The following GPRC6A variants were observed in gnomAD, a reference collection of about 807,000 sequenced individuals.
The protein encoded by GPRC6A is G protein-coupled receptor family C group 6 member A.
GPRC6A carries 54 observed loss-of-function variants against 47.0 expected under a neutral mutation model. The ratio of observed to expected loss-of-function variants is 1.15; its 90% confidence interval spans 0.92 to 1.44. The LOEUF (loss-of-function observed/expected upper bound fraction) is 1.44, where lower values mean the gene tolerates loss of function less well. Among genes scored for constraint, GPRC6A ranks in the 40% most tolerant of loss-of-function variants. The pLI is 0.00. For missense variants in GPRC6A, 1,112 were observed against 1,105.5 expected (o/e 1.01, Z -0.08); for synonymous variants, 347 against 377.1 (o/e 0.92, Z 0.93).
chr6:116,820,399 C>G lies in GPRC6A; in HGVS notation c.194+8421G>C, dbSNP rs1336682855. Among the ~76,000 whole-genome samples the G allele has an allele frequency of 2.6e-5, 4 of 152,088 alleles. 1 individual carries two copies. The highest frequency in any genetic ancestry group is 6.5e-5 in the Admixed American group (1 of 15,278). Reference sequence around the variant, plus strand: ...CTGATACCAAAGCTGGGCAGAGACACAACCAAAAAAGAGAATTTTAGACCA... The same window carrying G: ...CTGATACCAAAGCTGGGCAGAGACAGAACCAAAAAAGAGAATTTTAGACCA... On this transcript the variant is annotated intron_variant, in intron 1 of 5. Transcript: ENST00000310357.
In GPRC6A at chr6:116,792,813, G is replaced by A. The variant is rs139828071; in HGVS notation, c.2110C>T (p.Pro704Ser). Residue 704 changes from proline (P) to serine (S), a missense_variant, in exon 6 of 6, where the codon CCG (proline) becomes TCG (serine). By Grantham distance (74) the Pro-to-Ser change is moderately conservative. Transcript: ENST00000310357. Reference protein sequence around the residue: ...LQKFLKCLYRPILIIFTCTGI... With the variant: ...LQKFLKCLYRSILIIFTCTGI... Reference sequence around the variant, plus strand: ...GTGCAAGTGAAGATAATAAGGATCGGTCTATAGAGGCACTTCAGAAATTTC... The same window carrying A: ...GTGCAAGTGAAGATAATAAGGATCGATCTATAGAGGCACTTCAGAAATTTC... 2.3e-4 allele frequency: 369 copies of A among 1,614,048 alleles called. 2 individuals are homozygous for A. In the African/African-American group the frequency reaches 4.6e-3, roughly 20 times the overall value.
chr6:116,813,489 T>C (rs1189608045), intron 1 of GPRC6A, among the ~76,000 whole-genome samples: 1 of 151,886 alleles, frequency 6.6e-6, no homozygotes, highest in Non-Finnish European at 1.5e-5. Context: ...ATAAATCTGA[T>C]AAAAATAAGA....
At position 116,809,386 on chromosome 6, in the gene GPRC6A, A is replaced by G; in HGVS notation, c.426T>C (p.Ala142=). The change falls in exon 2 of 6, where the codon GCT becomes GCC. Residue 142 remains alanine, a synonymous_variant. Coordinates refer to ENST00000310357, the MANE Select transcript of GPRC6A (RefSeq NM_148963.4). ...DYSSYMPRVK[A]VIGSGYSEIT... is the part of the protein sequence containing the mutation. ...TTTCTGAGTACCCAGAACCTATGAC[A>G]GCCTTAACTCTTGGCATGTAGCTGG... is the stretch of plus-strand genomic sequence containing the variant. 1 of 1,613,574 alleles carries G rather than the reference A, an allele frequency of 6.2e-7. No homozygotes were observed. Among genetic ancestry groups the G allele is most frequent in the Non-Finnish European group, 8.5e-7 (1 of 1,179,614 alleles).
chr6:116,816,226 C>G (rs1009891954), intron 1 of GPRC6A, among the ~76,000 whole-genome samples: 2 of 152,156 alleles, frequency 1.3e-5, no homozygotes, highest in East Asian at 3.9e-4. Flanking sequence ...TGAGTAGTCC[C>G]TTCTGCCTAT....
Position 116,806,679 on chromosome 6 carries a change from A to C in GPRC6A, c.1026T>G (p.Asn342Lys), listed in dbSNP as rs1232217456. Reference protein sequence around the residue: ...NISSFHSFLQNLHLLPSDSHK... With the variant: ...NISSFHSFLQKLHLLPSDSHK... The stretch of plus-strand genomic sequence containing the variant: ...GACTGTCACTGGGAAGCAAGTGCAG[A>C]TTTTGAAGAAAGGAATGGAAAGAGG... The change falls in exon 3 of 6, where the codon AAT becomes AAG. Residue 342 changes from asparagine (N) to lysine (K), a missense_variant. Coordinates refer to ENST00000310357, the MANE Select transcript of GPRC6A (RefSeq NM_148963.4). The C allele has an allele frequency of 6.2e-7, 1 of 1,613,626 alleles. No homozygotes were observed. Among genetic ancestry groups the C allele is most frequent in the Non-Finnish European group, 8.5e-7 (1 of 1,179,792 alleles).
chr6:116,821,320 A>G (rs1582478661), intron 1 of GPRC6A, among the ~76,000 whole-genome samples: 1 of 152,268 alleles, frequency 6.6e-6, no homozygotes, highest in East Asian at 1.9e-4. Context: ...ATCCCCATCA[A>G]GCTACCAATG....
At chr6:116,818,606 T>C (rs1185564162) in intron 1 of GPRC6A, among the ~76,000 whole-genome samples, 1 of 102,154 alleles carries the variant, frequency 9.8e-6, no homozygotes, top group African/African-American at 3.6e-5. Flanking sequence ...CCAGCCAAAC[T>C]AAGCTTCATA....
intron 1 of GPRC6A, among the ~76,000 whole-genome samples, chr6:116,825,728 G>T (rs1773657494): frequency 6.6e-6 from 1 of 151,554 alleles, no homozygotes; most frequent in African/African-American, 2.4e-5. Flanking sequence ...AATTCATATG[G>T]AGCAACAACA....
chr6:116,821,162 G>C (rs961608676), intron 1 of GPRC6A, among the ~76,000 whole-genome samples: 1 of 151,754 alleles, frequency 6.6e-6, no homozygotes, highest in Non-Finnish European at 1.5e-5. Flanking sequence ...GGGATGTGAA[G>C]GACCTCTTCA....
At chr6:116,800,514 G>T in intron 4 of GPRC6A, 70 bp downstream of exon 4, 1 of 937,456 alleles carries the variant, frequency 1.1e-6, no homozygotes, top group Non-Finnish European at 1.8e-6. Flanking sequence ...TGAAGAGTGG[G>T]GGCCAAGGAC....
At chr6:116,804,453 G>T (rs1772777309) in intron 3 of GPRC6A, among the ~76,000 whole-genome samples, 1 of 152,046 alleles carries the variant, frequency 6.6e-6, no homozygotes, top group African/African-American at 2.4e-5. Flanking sequence ...AAATGTTGCT[G>T]ATCTTTAAAG....
rs530814514 is a variant in GPRC6A, at chr6:116,806,942, C to T, written c.763G>A (p.Glu255Lys). 3.7e-6 allele frequency: 6 copies of T among 1,613,550 alleles called. No homozygotes were observed. The highest frequency in any genetic ancestry group is 2.7e-5 in the African/African-American group (2 of 75,010). ...LPAFLSDNTI[E>K]VRINRTLKKI... Reference sequence around the variant, plus strand: ...TTCAGTGTCCGATTGATTCTGACTTCAATGGTATTATCTGAAAGAAAGGCT... The same window carrying T: ...TTCAGTGTCCGATTGATTCTGACTTTAATGGTATTATCTGAAAGAAAGGCT... Residue 255 changes from glutamate (E) to lysine (K), a missense_variant, in exon 3 of 6, where the codon GAA becomes AAA. Physicochemically the swap from Glu to Lys is moderately conservative, Grantham distance 56. Coordinates refer to ENST00000310357, the MANE Select transcript of GPRC6A (RefSeq NM_148963.4).
chr6:116,828,404 A>G (rs1773737928), intron 1 of GPRC6A, among the ~76,000 whole-genome samples: 1 of 152,084 alleles, frequency 6.6e-6, no homozygotes, highest in African/African-American at 2.4e-5. Flanking sequence ...AAATGTTAGT[A>G]AGAAAAAATT....
intron 1 of GPRC6A, among the ~76,000 whole-genome samples, chr6:116,822,661 T>C (rs1356815046): frequency 2.8e-5 from 4 of 142,770 alleles, no homozygotes; most frequent in Non-Finnish European, 1.5e-5. Context: ...AATTGAACAA[T>C]GAGATCACAT....
At chr6:116,820,338 A>G (rs1233213313) in intron 1 of GPRC6A, among the ~76,000 whole-genome samples, 1 of 152,100 alleles carries the variant, frequency 6.6e-6, no homozygotes, top group African/African-American at 2.4e-5. Flanking sequence ...AAAAGAGGGA[A>G]TCCTCCCTAA....
chr6:116,814,222 A>G (rs1029770001), intron 1 of GPRC6A, among the ~76,000 whole-genome samples: 2 of 152,212 alleles, frequency 1.3e-5, no homozygotes, highest in African/African-American at 4.8e-5. Context: ...TAGAACTGGA[A>G]TTATCATTTG....
At chr6:116,825,263 T>C (rs1404549437) in intron 1 of GPRC6A, among the ~76,000 whole-genome samples, 1 of 151,862 alleles carries the variant, frequency 6.6e-6, no homozygotes, top group African/African-American at 2.4e-5. Context: ...AAGAAACAAA[T>C]GGCATACACA....
chr6:116,800,576 A>G lies in GPRC6A; in HGVS notation c.1548+8T>C. The G allele has an allele frequency of 6.2e-7, 1 of 1,602,582 alleles. No individual in the cohort carries two copies. Among genetic ancestry groups the G allele is most frequent in the Non-Finnish European group, 8.5e-7 (1 of 1,169,770 alleles). On this transcript the variant is annotated splice_region_variant and intron_variant, in intron 4 of 5. Transcript: ENST00000310357. ...TGAGTGCTACAAAACGGCCTACAAC[A>G]AGGTTACCTTAAGATTCCTGAACTC...
intron 3 of GPRC6A, among the ~76,000 whole-genome samples, chr6:116,803,944 C>G (rs1486552328): frequency 6.6e-6 from 1 of 152,066 alleles, no homozygotes; most frequent in African/African-American, 2.4e-5. Flanking sequence ...TTGTATATAT[C>G]AATGGACAGA....
Sources: allele counts gnomAD v4.1 joint callset (sites outside exome capture counted in the v4.1 genomes callset), GRCh38; gene constraint gnomAD v4.1.1; transcripts MANE v1.5; gene names NCBI Gene and HGNC (gene_info 2026-07-23, HGNC 2026-07-21).